Variants in SMAD1 observed in about 807,000 individuals in gnomAD.
SMAD1 encodes the protein MAD, mothers against decapentaplegic homolog 1.
SMAD1 carries 6 observed loss-of-function variants against 41.6 expected under a neutral mutation model. The observed-to-expected ratio is 0.14, with a 90% CI of 0.08 to 0.28. SMAD1 has a LOEUF of 0.28. Ranked by LOEUF, SMAD1 falls within the 10% of genes least tolerant of loss-of-function variation. The pLI is 1.00. For missense variants in SMAD1, 379 were observed against 582.6 expected, an observed-to-expected ratio of 0.65 and a Z score of 3.60; for synonymous variants, 206 against 203.2, an observed-to-expected ratio of 1.01 and a Z score of -0.12.
At chr4:145,533,389 C>T (rs1344083596) in intron 2 of SMAD1, among the ~76,000 whole-genome samples, 1 of 152,198 alleles carries the variant, frequency 6.6e-6, no homozygotes, top group Non-Finnish European at 1.5e-5. Flanking sequence ...AGACACCCTA[C>T]TTATACAGTC....
intron 5 of SMAD1, among the ~76,000 whole-genome samples, chr4:145,547,888 G>A (rs112824536): frequency 0.011 from 1,403 of 131,830 alleles, 27 homozygotes; most frequent in African/African-American, 0.033. Context: ...CTTGCGTATA[G>A]TTTCTGATCT....
At chr4:145,532,131 C>T (rs1246693543) in intron 2 of SMAD1, among the ~76,000 whole-genome samples, 7 of 152,174 alleles carry the variant, frequency 4.6e-5, no homozygotes, top group Admixed American at 3.3e-4. Context: ...ACCTTAGCAA[C>T]GCTGAAAAGC....
chr4:145,539,902 C>G lies in SMAD1; in HGVS notation c.499C>G (p.Pro167Ala). ...RNLGQNEPHMPLNATFPDSFQ... is the reference protein window; with the variant it reads ...RNLGQNEPHMALNATFPDSFQ... ...CTTAGGACAAAATGAGCCTCACATG[C>G]CACTCAACGCCACTTTTCCAGATTC... Residue 167 changes from proline to alanine, a missense_variant, in exon 3 of 7, where the codon CCA becomes GCA. By Grantham distance (27) the Pro-to-Ala change is conservative (BLOSUM62 -1). Transcript: ENST00000302085. The G allele has an allele frequency of 6.2e-7, 1 of 1,614,056 alleles. No homozygotes were observed. Among genetic ancestry groups the G allele is most frequent in the South Asian group, 1.1e-5 (1 of 91,070 alleles).
intron 2 of SMAD1, among the ~76,000 whole-genome samples, chr4:145,530,246 G>A (rs1217252242): frequency 1.3e-5 from 2 of 152,124 alleles, no homozygotes; most frequent in South Asian, 2.1e-4. Flanking sequence ...TTCTACCAGG[G>A]GTGGATAGAA....
rs1728265545 is a variant in SMAD1 at position 145,482,789 on chromosome 4, C to G, written c.-177+751C>G. 1 of 152,292 alleles carries G rather than the reference C, an allele frequency of 6.6e-6. No individual in the cohort carries two copies. Among genetic ancestry groups the G allele is most frequent in the South Asian group, 2.1e-4 (1 of 4,830 alleles). 9.4% of individuals were successfully genotyped at this position (152,292 alleles called of 1,614,324 possible). ...CTGGTGTCTCGTTCCTTTCCCTTTA[C>G]CGGAGTCGATTGCCTCACTGCATGT... On this transcript the variant is annotated intron_variant, in intron 1 of 6. Coordinates refer to ENST00000302085, the MANE Select transcript of SMAD1 (RefSeq NM_005900.3). The surrounding 1 kb of genome is among the most constrained non-coding windows in gnomAD (Gnocchi z 4.2).
chr4:145,506,866 A>G (rs1729816277), intron 1 of SMAD1, among the ~76,000 whole-genome samples: 1 of 152,186 alleles, frequency 6.6e-6, no homozygotes, highest in Non-Finnish European at 1.5e-5. Flanking sequence ...TTAAATATAA[A>G]GCAAGTTACA....
intron 2 of SMAD1, among the ~76,000 whole-genome samples, chr4:145,516,497 T>G (rs1216999211): frequency 6.6e-6 from 1 of 152,238 alleles, no homozygotes; most frequent in Admixed American, 6.5e-5. Flanking sequence ...ACTTACTAGA[T>G]TTATTTCTAG....
intron 2 of SMAD1, among the ~76,000 whole-genome samples, chr4:145,523,615 A>AT (rs1043103742): frequency 1.3e-5 from 2 of 152,172 alleles, no homozygotes; most frequent in Non-Finnish European, 2.9e-5. Flanking sequence ...TATGTTTGTA[A>AT]TCCTAGTTTG....
At chr4:145,531,122 T>A (rs1262585057) in intron 2 of SMAD1, among the ~76,000 whole-genome samples, 1 of 152,220 alleles carries the variant, frequency 6.6e-6, no homozygotes, top group Non-Finnish European at 1.5e-5. Context: ...GTGCCACCAC[T>A]CAGGGGTTTA....
chr4:145,529,126 A>T (rs566006722), intron 2 of SMAD1, among the ~76,000 whole-genome samples: 4 of 152,316 alleles, frequency 2.6e-5, no homozygotes, highest in Non-Finnish European at 5.9e-5. Context: ...GCCCTAGTTA[A>T]TCGGCTAGTA....
chr4:145,499,541 A>T lies in SMAD1; in HGVS notation c.-176-14897A>T, dbSNP rs969530060. Among the ~76,000 whole-genome samples the T allele has an allele frequency of 7.9e-5, 12 of 152,262 alleles. No homozygotes were observed. In the South Asian group the frequency reaches 1.2e-3, roughly 16 times the overall value. On this transcript the variant is annotated intron_variant, in intron 1 of 6. Transcript: ENST00000302085. Reference sequence around the variant, plus strand: ...GAGGCTGAGGTAGGAGGATCACTTGAACCTGGGAGGTCTAGGCTGCAGTGA... The same window carrying T: ...GAGGCTGAGGTAGGAGGATCACTTGTACCTGGGAGGTCTAGGCTGCAGTGA...
chr4:145,539,898 C>A lies in SMAD1; in HGVS notation c.495C>A (p.His165Gln), dbSNP rs756441656. 4.3e-6 allele frequency: 7 copies of A among 1,613,946 alleles called. No individual in the cohort carries two copies. The Admixed American group carries it at 1.2e-4, about 27-fold the overall frequency. Residue 165 changes from histidine to glutamine, a missense_variant, in exon 3 of 7, where the codon CAC becomes CAA. Transcript: ENST00000302085. ...GTAACTTAGGACAAAATGAGCCTCACATGCCACTCAACGCCACTTTTCCAG... is the reference window on the plus strand; with the variant it reads ...GTAACTTAGGACAAAATGAGCCTCAAATGCCACTCAACGCCACTTTTCCAG... ...QFRNLGQNEP[H>Q]MPLNATFPDS...
At chr4:145,530,109 AG>A (rs1217530473) in intron 2 of SMAD1, among the ~76,000 whole-genome samples, 6 of 152,218 alleles carry the variant, frequency 3.9e-5, no homozygotes, top group Non-Finnish European at 5.9e-5. Flanking sequence ...TTCAAAAGAA[AG>A]AAAATCAGTT....
intron 6 of SMAD1, 71 bp from the exon 7 acceptor site, chr4:145,557,720 A>G (rs1732921560): frequency 8.3e-7 from 1 of 1,211,460 alleles, no homozygotes; most frequent in Non-Finnish European, 1.2e-6. Context: ...TGGTTATGTG[A>G]ACTCTTCTTA....
intron 4 of SMAD1, among the ~76,000 whole-genome samples, chr4:145,543,608 T>C (rs1732073369): frequency 6.6e-6 from 1 of 152,216 alleles, no homozygotes. Context: ...AGGGTGGGTC[T>C]TTGATTCCAG....
intron 1 of SMAD1, among the ~76,000 whole-genome samples, chr4:145,492,915 TG>T (rs929771090): frequency 6.6e-6 from 1 of 152,240 alleles, no homozygotes; most frequent in Non-Finnish European, 1.5e-5. Context: ...TGCTGGTTAT[TG>T]GTAGGATCCT....
In SMAD1 at chr4:145,558,326, T is replaced by A. The variant is rs141606362; in HGVS notation, c.*392T>A. On this transcript the variant is annotated 3_prime_UTR_variant, in exon 7 of 7. Transcript: ENST00000302085. Reference sequence around the variant, plus strand: ...GGCAGAAGTTTAGCATTAATAGTTGTTCTGAAACGTGTTTTATCAGGTTTA... The same window carrying A: ...GGCAGAAGTTTAGCATTAATAGTTGATCTGAAACGTGTTTTATCAGGTTTA... 4.0e-3 allele frequency among the ~76,000 whole-genome samples: 603 copies of A among 152,342 alleles called. 3 individuals carry two copies. The highest frequency in any genetic ancestry group is 0.013 in the African/African-American group (544 of 41,586).
At position 145,539,972 on chromosome 4, in the gene SMAD1, G is replaced by A. The variant is rs1451013268; in HGVS notation, c.569G>A (p.Ser190Asn). ...CACCCGTTTCCTCACTCTCCCAATA[G>A]CAGTTACCCAAACTCTCCTGGGAGC... ...NSHPFPHSPN[S>N]SYPNSPGSSS... is the part of the protein sequence containing the mutation. Residue 190 changes from serine (S) to asparagine (N), a missense_variant, in exon 3 of 7, where the codon AGC becomes AAC. Coordinates refer to ENST00000302085, the MANE Select transcript of SMAD1 (RefSeq NM_005900.3). The A allele has an allele frequency of 6.2e-7, 1 of 1,613,972 alleles. No homozygotes were observed. The highest frequency in any genetic ancestry group is 8.5e-7 in the Non-Finnish European group (1 of 1,179,982).
At chr4:145,496,065 CTT>C (rs747930605) in intron 1 of SMAD1, among the ~76,000 whole-genome samples, 8 of 151,730 alleles carry the variant, frequency 5.3e-5, no homozygotes, top group Admixed American at 2.6e-4. Context: ...ATTCTAAGCT[CTT>C]TAGATTAAAG....
Sources: allele counts gnomAD v4.1 joint callset (sites outside exome capture counted in the v4.1 genomes callset), GRCh38; gene constraint gnomAD v4.1.1; non-coding constraint Gnocchi (gnomAD v3.1); transcripts MANE v1.5; gene names NCBI Gene and HGNC (gene_info 2026-07-23, HGNC 2026-07-21).